Variants in NAV1 observed in about 807,000 individuals in gnomAD.
The protein encoded by NAV1 is neuron navigator 1.
In NAV1, 18 loss-of-function variants were observed where a neutral mutation model predicts 175.2. The ratio of observed to expected loss-of-function variants is 0.10; its 90% CI spans 0.07 to 0.15. NAV1 has a LOEUF of 0.15. Among genes scored for constraint, NAV1 ranks in the 10% least tolerant of loss-of-function variants. The pLI is 1.00. For missense variants in NAV1, 1,731 were observed against 2,436.6 expected (o/e 0.71, Z 6.10); for synonymous variants, 897 against 978.7 (o/e 0.92, Z 1.56).
intron 28 of NAV1, 62 bp from the exon 33 acceptor site, chr1:201,817,026 T>G: frequency 1.3e-6 from 2 of 1,500,036 alleles, no homozygotes; most frequent in Non-Finnish European, 1.8e-6. Flanking sequence ...ACCAAAAGAC[T>G]GCATGAACAA....
chr1:201,611,245 C>G (rs959035797), intron 2 of NAV1, among the ~76,000 whole-genome samples: 1 of 152,148 alleles, frequency 6.6e-6, no homozygotes, highest in African/African-American at 2.4e-5. Flanking sequence ...GCTGAATGGC[C>G]CCCAGCTGGT....
intron 2 of NAV1, among the ~76,000 whole-genome samples, chr1:201,615,268 T>TTTC (rs1428665738): frequency 7.7e-6 from 1 of 129,190 alleles, no homozygotes; most frequent in African/African-American, 2.8e-5. Context: ...TCTTTCTTTC[T>TTTC]TTTTTTTTTT....
intron 3 of NAV1, among the ~76,000 whole-genome samples, chr1:201,749,450 A>C (rs1269168626): frequency 2.0e-5 from 3 of 152,218 alleles, no homozygotes; most frequent in Non-Finnish European, 4.4e-5. Context: ...CAACTTGCTC[A>C]CTATTCCCTC....
intron 1 of NAV1, among the ~76,000 whole-genome samples, chr1:201,551,029 G>A (rs1186933026): frequency 2.0e-5 from 3 of 152,198 alleles, no homozygotes; most frequent in African/African-American, 7.2e-5. Flanking sequence ...ACTCTTCATG[G>A]CAACCTTATG....
upstream of NAV1, among the ~76,000 whole-genome samples, chr1:201,647,821 G>A (rs1669024721): frequency 1.3e-5 from 2 of 151,736 alleles, no homozygotes; most frequent in Admixed American, 1.3e-4. Flanking sequence ...TCAGGCCCAC[G>A]GGCCCACTTT....
chr1:201,562,468 G>A (rs1011540969), intron 1 of NAV1, among the ~76,000 whole-genome samples: 3 of 152,198 alleles, frequency 2.0e-5, no homozygotes, highest in Non-Finnish European at 4.4e-5. Flanking sequence ...CAGGCCCCAT[G>A]ACTCACTCCT....
intron 10 of NAV1, 60 bp from the exon 15 acceptor site, chr1:201,789,680 C>T (rs1194187526): frequency 1.3e-6 from 2 of 1,530,530 alleles, no homozygotes; most frequent in African/African-American, 1.4e-5. Context: ...AGGGAGTCTT[C>T]CAAAAACCCC....
At chr1:201,626,414 G>A (rs74136653) in intron 1 of NAV1, among the ~76,000 whole-genome samples, 2,985 of 152,168 alleles carry the variant, frequency 0.02, 96 homozygotes, top group African/African-American at 0.068. Flanking sequence ...AATGAATCTT[G>A]CAGCCATCTT....
chr1:201,719,858 G>A (rs532890939), intron 3 of NAV1, among the ~76,000 whole-genome samples: 3 of 152,166 alleles, frequency 2.0e-5, no homozygotes, highest in East Asian at 2.0e-4. Context: ...GGAGTGGAAA[G>A]TAGCCTCTCC....
chr1:201,599,381 A>C (rs1368534511), intron 2 of NAV1, among the ~76,000 whole-genome samples: 2 of 152,236 alleles, frequency 1.3e-5, no homozygotes, highest in African/African-American at 2.4e-5. Context: ...CTCTGGAATC[A>C]GCCACCCTAG....
chr1:201,574,455 G>C (rs519203), intron 1 of NAV1, among the ~76,000 whole-genome samples: 40,673 of 152,022 alleles, frequency 0.27, 7,769 homozygotes, highest in African/African-American at 0.53. Context: ...AGCACTCGGA[G>C]TCAGGATGGG....
chr1:201,702,682 C>G (rs1441697368), intron 1 of NAV1, among the ~76,000 whole-genome samples: 11 of 76,172 alleles, frequency 1.4e-4, no homozygotes, highest in African/African-American at 4.1e-4. Context: ...TTCTCTCTCT[C>G]TCTCTCTCTC....
intron 1 of NAV1, among the ~76,000 whole-genome samples, chr1:201,574,341 C>T (rs1666632381): frequency 6.6e-6 from 1 of 151,992 alleles, no homozygotes; most frequent in African/African-American, 2.4e-5. Flanking sequence ...AAGATTGCTC[C>T]GTGGAGCAGG....
At chr1:201,696,310 T>C (rs1671189599) in intron 1 of NAV1, among the ~76,000 whole-genome samples, 1 of 152,206 alleles carries the variant, frequency 6.6e-6, no homozygotes, top group African/African-American at 2.4e-5. Flanking sequence ...AGGAGGATTC[T>C]GAATGATCTG....
Position 201,783,399 on chromosome 1 carries a change from C to T in NAV1, c.2358-7C>T, listed in dbSNP as rs1372717262. The T allele has an allele frequency of 1.9e-6, 3 of 1,612,044 alleles. No individual in the cohort carries two copies. Among genetic ancestry groups the T allele is most frequent in the South Asian group, 1.1e-5 (1 of 91,036 alleles). The stretch of plus-strand genomic sequence containing the variant: ...TATTCTAAATATTTCGTTTGATCTT[C>T]TCTCAGGGCCACAGCGAAGAGCTTT... On this transcript the variant is annotated splice_region_variant and splice_polypyrimidine_tract_variant and intron_variant, in intron 6 of 29. Coordinates refer to ENST00000367296, the Ensembl canonical transcript of NAV1.
At chr1:201,774,808 G>A (rs748165706) in intron 3 of NAV1, among the ~76,000 whole-genome samples, 6 of 152,104 alleles carry the variant, frequency 3.9e-5, no homozygotes, top group Non-Finnish European at 5.9e-5. Flanking sequence ...TGAAAATAAA[G>A]CGTTTTTCTT....
intron 1 of NAV1, among the ~76,000 whole-genome samples, chr1:201,543,098 C>T (rs1415316202): frequency 1.3e-5 from 2 of 152,126 alleles, no homozygotes; most frequent in Non-Finnish European, 2.9e-5. Flanking sequence ...TCTTTCTTTC[C>T]AATTTGAATG....
At chr1:201,595,617 G>A (rs1050390443) in intron 2 of NAV1, among the ~76,000 whole-genome samples, 7 of 152,238 alleles carry the variant, frequency 4.6e-5, no homozygotes, top group Admixed American at 3.3e-4. Flanking sequence ...CCAGGGTAGG[G>A]GCAGGCAGGC....
intron 3 of NAV1, among the ~76,000 whole-genome samples, chr1:201,766,783 T>A (rs981407604): frequency 6.6e-6 from 1 of 152,126 alleles, no homozygotes. Flanking sequence ...GACAGCGCTT[T>A]CCAACAGAAA....
Sources: allele counts gnomAD v4.1 joint callset (sites outside exome capture counted in the v4.1 genomes callset), GRCh38; gene constraint gnomAD v4.1.1; transcripts MANE v1.5; gene names NCBI Gene and HGNC (gene_info 2026-07-23, HGNC 2026-07-21).